Variants in DAAM2 observed in about 807,000 individuals in gnomAD.
DAAM2 encodes the protein dishevelled associated activator of morphogenesis 2, also known as disheveled-associated activator of morphogenesis 2.
A neutral mutation model predicts 120.7 loss-of-function variants in DAAM2; 39 were observed. The ratio of observed to expected loss-of-function variants is 0.32; its 90% CI spans 0.25 to 0.42. DAAM2 has a LOEUF of 0.42. Among genes scored for constraint, DAAM2 ranks in the 10% least tolerant of loss-of-function variants. The probability of loss-of-function intolerance (pLI) is 1.00; values close to 1 mark genes in which losing one functional copy is unlikely to be tolerated. For missense variants in DAAM2, 1,283 were observed against 1,401.7 expected, an observed-to-expected ratio of 0.92 and a Z score of 1.35; for synonymous variants, 488 against 524.9, an observed-to-expected ratio of 0.93 and a Z score of 0.96.
chr6:39,867,651 G>A lies in DAAM2; in HGVS notation c.570G>A (p.Gly190=). The A allele has an allele frequency of 6.2e-7, 1 of 1,614,056 alleles. No homozygotes were observed. The highest frequency in any genetic ancestry group is 8.5e-7 in the Non-Finnish European group (1 of 1,179,910). ...CIKALMNNSQ[G]RAHVLAQPEA... Reference sequence around the variant, plus strand: ...AAGCATTGATGAACAACTCCCAGGGGCGGGCACATGTGCTGGCACAGCCTG... The same window carrying A: ...AAGCATTGATGAACAACTCCCAGGGACGGGCACATGTGCTGGCACAGCCTG... Residue 190 remains glycine, a synonymous_variant, in exon 6 of 25, where the codon GGG becomes GGA. Transcript: ENST00000274867.
chr6:39,856,523 G>C, intron 2 of DAAM2, 53 bp downstream of exon 2: 1 of 1,345,576 alleles, frequency 7.4e-7, no homozygotes, highest in Non-Finnish European at 9.7e-7. Flanking sequence ...GGTGGATGGA[G>C]AGGCAGAGCT....
chr6:39,893,499 C>G (rs1765872501), intron 19 of DAAM2, among the ~76,000 whole-genome samples: 1 of 151,052 alleles, frequency 6.6e-6, no homozygotes, highest in Non-Finnish European at 1.5e-5. Context: ...GCCTGGGCAA[C>G]AGAGCATGAC....
intron 1 of DAAM2, among the ~76,000 whole-genome samples, chr6:39,808,144 A>T (rs2114042611): frequency 6.6e-6 from 1 of 151,736 alleles, no homozygotes; most frequent in Non-Finnish European, 1.5e-5. Flanking sequence ...GGAGATGCCA[A>T]ATAGGGTCGT....
intron 17 of DAAM2, 71 bp downstream of exon 17, chr6:39,888,834 A>G: frequency 8.5e-7 from 1 of 1,182,006 alleles, no homozygotes; most frequent in Admixed American, 2.0e-5. Context: ...AACAGCCCCC[A>G]GGAGGCTGCG....
rs1465678901 is a variant in DAAM2, at chr6:39,903,671, A to G, written c.*1634A>G. ...GGGTTATTGCCAGTGGAGACTGGTG[A>G]GCTGGGCCTACTCTCAGCTGCCTAT... On this transcript the variant is annotated 3_prime_UTR_variant, in exon 25 of 25. Transcript: ENST00000274867. 6.2e-6 allele frequency: 1 copy of G among 161,024 alleles called. No homozygotes were observed. Among genetic ancestry groups the G allele is most frequent in the Non-Finnish European group, 1.4e-5 (1 of 73,118 alleles). The allele number at this position is 161,024 out of a possible 1,614,324, so 10.0% of individuals were successfully genotyped here. A position where few individuals can be genotyped will look rare whatever the true frequency, so the allele number is the denominator to read the frequency against.
At chr6:39,831,948 TGGAGG>T (rs1762923861) in intron 1 of DAAM2, among the ~76,000 whole-genome samples, 1 of 48,660 alleles carries the variant, frequency 2.1e-5, no homozygotes, top group Non-Finnish European at 3.7e-5. Flanking sequence ...GCCGGGGCAC[TGGAGG>T]GTAGGTGCAC....
intron 1 of DAAM2, among the ~76,000 whole-genome samples, chr6:39,825,356 T>G (rs1187951862): frequency 7.1e-6 from 1 of 141,632 alleles, no homozygotes; most frequent in African/African-American, 2.7e-5. Context: ...GCCACTGCAC[T>G]CCAGCTGGGT....
intron 1 of DAAM2, among the ~76,000 whole-genome samples, chr6:39,805,882 C>A (rs1419622843): frequency 6.6e-6 from 1 of 152,086 alleles, no homozygotes; most frequent in Non-Finnish European, 1.5e-5. Flanking sequence ...TCTTTTATAA[C>A]CTGAACAAGA....
chr6:39,839,090 GT>G (rs555413456), intron 1 of DAAM2, among the ~76,000 whole-genome samples: 8 of 148,882 alleles, frequency 5.4e-5, no homozygotes, highest in Non-Finnish European at 1.0e-4. Flanking sequence ...GCTAGGCATT[GT>G]TTTTTTTTTG....
intron 2 of DAAM2, among the ~76,000 whole-genome samples, chr6:39,858,846 G>A (rs1764106242): frequency 6.6e-6 from 1 of 152,058 alleles, no homozygotes. Flanking sequence ...GGTGCCCTGA[G>A]GGACTTCTAC....
intron 2 of DAAM2, among the ~76,000 whole-genome samples, chr6:39,859,998 G>A (rs1764147855): frequency 6.6e-6 from 1 of 152,140 alleles, no homozygotes; most frequent in South Asian, 2.1e-4. Flanking sequence ...TATGCTTAAT[G>A]CAAGTTTTGC....
chr6:39,833,895 A>G (rs187742396), intron 1 of DAAM2, among the ~76,000 whole-genome samples: 44 of 152,310 alleles, frequency 2.9e-4, no homozygotes, highest in African/African-American at 9.4e-4. Context: ...CTGAATTCTC[A>G]CTCAGTCCTC....
At chr6:39,884,693 G>C (rs1206587251) in intron 15 of DAAM2, 1 of 153,310 alleles carries the variant, frequency 6.5e-6, no homozygotes, top group East Asian at 1.9e-4. Flanking sequence ...GGCTCTATGT[G>C]CAGGTGGCTG....
chr6:39,851,970 C>A (rs1484746749), intron 1 of DAAM2, among the ~76,000 whole-genome samples: 1 of 152,174 alleles, frequency 6.6e-6, no homozygotes, highest in Non-Finnish European at 1.5e-5. Flanking sequence ...AGGCTGGAGC[C>A]ACGAGAAGCG....
intron 1 of DAAM2, 139 bp from the exon 2 acceptor site, chr6:39,856,108 A>ACG: frequency 1.9e-6 from 1 of 531,998 alleles, no homozygotes; most frequent in Non-Finnish European, 2.8e-6. Flanking sequence ...GAGGGGCGAC[A>ACG]GCGGGGTGGG....
chr6:39,856,001 G>T (rs2149282441), intron 1 of DAAM2: 1 of 983,324 alleles, frequency 1.0e-6, no homozygotes, highest in African/African-American at 1.7e-5. Flanking sequence ...GAATATGAAA[G>T]TGTCTTGGCA....
intron 14 of DAAM2, chr6:39,882,355 G>C (rs1484363681): frequency 6.6e-6 from 1 of 152,100 alleles, no homozygotes; most frequent in East Asian, 1.9e-4. Flanking sequence ...GTGAGAGAGA[G>C]AGAAAGAGCC....
chr6:39,866,053 C>T (rs981322197), intron 5 of DAAM2, among the ~76,000 whole-genome samples: 1 of 152,196 alleles, frequency 6.6e-6, no homozygotes, highest in Non-Finnish European at 1.5e-5. Flanking sequence ...GAAAAGCTAG[C>T]CATCCATTGC....
chr6:39,879,556 T>G, intron 14 of DAAM2, 79 bp downstream of exon 14: 1 of 1,575,760 alleles, frequency 6.3e-7, no homozygotes, highest in South Asian at 1.1e-5. Flanking sequence ...CGCCCCTTGT[T>G]TACAGATCTC....
Sources: gnomAD v4.1 joint callset for allele counts (sites outside exome capture counted in the v4.1 genomes callset) on GRCh38, gnomAD v4.1.1 for gene constraint, MANE v1.5 for transcripts, NCBI Gene and HGNC (gene_info 2026-07-23, HGNC 2026-07-21) for gene names.